Variants in SRP54 observed in about 807,000 individuals in gnomAD.
SRP54 encodes the protein signal recognition particle subunit SRP54.
A neutral mutation model predicts 64.8 loss-of-function variants in SRP54; 10 were observed. That is an observed-to-expected ratio of 0.15 (90% CI 0.10 to 0.26). The LOEUF is 0.26. SRP54 is among the 10% of genes least tolerant of loss of function. The pLI is 1.00. For missense variants in SRP54, 325 were observed against 613.7 expected (o/e 0.53, Z 4.97); for synonymous variants, 193 against 185.6 (o/e 1.04, Z -0.32).
At chr14:35,020,629 A>G (rs1036119177) in intron 13 of SRP54, among the ~76,000 whole-genome samples, 1 of 152,172 alleles carries the variant, frequency 6.6e-6, no homozygotes, top group African/African-American at 2.4e-5. Context: ...AGGTTTTCAT[A>G]GTAGCCCAAA....
At chr14:34,990,367 G>C (rs1055550415) in intron 1 of SRP54, among the ~76,000 whole-genome samples, 3 of 152,098 alleles carry the variant, frequency 2.0e-5, no homozygotes, top group Non-Finnish European at 4.4e-5. Context: ...ATAATTTAAA[G>C]CTTCATTCAT....
intron 2 of SRP54, 150 bp downstream of exon 2, chr14:34,996,937 G>T: frequency 4.6e-6 from 2 of 438,714 alleles, no homozygotes; most frequent in Non-Finnish European, 4.0e-6. Flanking sequence ...AGTAAGTAGT[G>T]TTTTATTGAG....
Position 35,014,410 on chromosome 14 carries a change from T to C in SRP54, c.887-334T>C, listed in dbSNP as rs1360028480. 3.3e-5 allele frequency among the ~76,000 whole-genome samples: 5 copies of C among 152,086 alleles called. 1 individual carries two copies. In the South Asian group the frequency reaches 6.2e-4, roughly 19 times the overall value. On this transcript the variant is annotated intron_variant, in intron 10 of 15. Transcript: ENST00000216774. ...TTCCTGCCTTAGCCTCCCAGGTAGC[T>C]GGGATTACAGGCGTGCACCACCAGG...
chr14:35,013,580 A>G, intron 9 of SRP54, 86 bp downstream of exon 9: 2 of 1,425,410 alleles, frequency 1.4e-6, no homozygotes, highest in African/African-American at 1.4e-5. Context: ...GATCATTTAA[A>G]ATATGTTTCA....
intron 14 of SRP54, among the ~76,000 whole-genome samples, chr14:35,027,146 T>C (rs1228567601): frequency 6.6e-6 from 1 of 151,546 alleles, no homozygotes; most frequent in Non-Finnish European, 1.5e-5. Flanking sequence ...TCTGCCTCAG[T>C]CTCCTGAGTA....
rs778910697 is a variant in SRP54, at chr14:35,013,341, TC to T, written c.637-4del. On this transcript the variant is annotated splice_polypyrimidine_tract_variant and splice_region_variant and intron_variant, in intron 8 of 15. Transcript: ENST00000216774. Reference sequence around the variant, plus strand: ...TAAAGTATCTTTTCTATTTAAACTTTCTAGCAACCTGATAACATTGTTTATG... The same window carrying T: ...TAAAGTATCTTTTCTATTTAAACTTTTAGCAACCTGATAACATTGTTTATG... 6.2e-7 allele frequency: 1 copy of T among 1,611,492 alleles called. No homozygotes were observed. The highest frequency in any genetic ancestry group is 8.5e-7 in the Non-Finnish European group (1 of 1,179,254).
chr14:34,998,761 C>T (rs4982235), intron 2 of SRP54, among the ~76,000 whole-genome samples: 25,705 of 150,322 alleles, frequency 0.17, 2,354 homozygotes, highest in East Asian at 0.31. Flanking sequence ...TGCAGTGAGC[C>T]GAGATCACGC....
At chr14:34,987,575 C>T (rs554623585) in intron 1 of SRP54, among the ~76,000 whole-genome samples, 5 of 151,874 alleles carry the variant, frequency 3.3e-5, no homozygotes, top group African/African-American at 9.7e-5. Flanking sequence ...ACTTATGTTT[C>T]GAAGATTAAT....
intron 1 of SRP54, among the ~76,000 whole-genome samples, chr14:34,995,650 AGAGCTG>A (rs2044061632): frequency 6.6e-6 from 1 of 152,162 alleles, no homozygotes; most frequent in Non-Finnish European, 1.5e-5. Flanking sequence ...GTAAGATTTT[AGAGCTG>A]GAAAGGGTTT....
At chr14:34,992,961 G>A (rs1471674693) in intron 1 of SRP54, among the ~76,000 whole-genome samples, 1 of 152,016 alleles carries the variant, frequency 6.6e-6, no homozygotes, top group East Asian at 1.9e-4. Context: ...CTGGGTTCAA[G>A]TGATTCTCCT....
chr14:35,029,084 A>G lies in SRP54; in HGVS notation c.1447A>G (p.Met483Val). 1.2e-6 allele frequency: 2 copies of G among 1,614,010 alleles called. No homozygotes were observed. The highest frequency in any genetic ancestry group is 8.5e-7 in the Non-Finnish European group (1 of 1,179,966). Reference sequence around the variant, plus strand: ...AGGTGGTATGGCAGGACTTCAGTCAATGATGAGGCAGTTTCAACAGGGTGC... The same window carrying G: ...AGGTGGTATGGCAGGACTTCAGTCAGTGATGAGGCAGTTTCAACAGGGTGC... ...HMGGMAGLQS[M>V]MRQFQQGAAG... The change falls in exon 16 of 16, where the codon ATG (methionine) becomes GTG (valine). Residue 483 changes from methionine to valine, a missense_variant. Around this residue, in one of 3 missense-constraint regions of SRP54, gnomAD observed 146 missense variants for 337.4 expected, o/e 0.43. Coordinates refer to ENST00000216774, the MANE Select transcript of SRP54 (RefSeq NM_003136.4).
Position 34,983,176 on chromosome 14 carries a change from C to G in SRP54, c.-73C>G, listed in dbSNP as rs2043832901. On this transcript the variant is annotated 5_prime_UTR_variant, in exon 1 of 16. Coordinates refer to ENST00000216774, the MANE Select transcript of SRP54 (RefSeq NM_003136.4). ...GGCGTGGGGCCTCGCTAAGGAATTC[C>G]CGGCCCCTCAGGGCCACGGCTTTAG... is the stretch of plus-strand genomic sequence containing the variant. The G allele has an allele frequency of 6.6e-6, 1 of 152,368 alleles. No individual in the cohort carries two copies. Among genetic ancestry groups the G allele is most frequent in the South Asian group, 2.1e-4 (1 of 4,830 alleles). 9.4% of individuals were successfully genotyped at this position (152,368 alleles called of 1,614,324 possible).
chr14:35,013,602 A>G, intron 9 of SRP54, 108 bp downstream of exon 9: 1 of 1,305,364 alleles, frequency 7.7e-7, no homozygotes, highest in Non-Finnish European at 1.1e-6. Context: ...TAGTGAGCCT[A>G]ATATGGTTTA....
At chr14:35,002,286 C>G (rs1003703958) in intron 4 of SRP54, among the ~76,000 whole-genome samples, 2 of 151,690 alleles carry the variant, frequency 1.3e-5, no homozygotes, top group African/African-American at 2.4e-5. Flanking sequence ...CCCAGGAGTT[C>G]GGGGGTGCAG....
In SRP54 at chr14:35,013,423, T is replaced by C. The variant is rs1299865835; in HGVS notation, c.714T>C (p.Asp238=). ...ACEAQAKAFK[D]KVDVASVIVT... is the part of the protein sequence containing the mutation. ...AAGCCCAGGCTAAGGCTTTTAAAGA[T>C]AAAGTAGATGTAGCCTCAGTAATAG... The change falls in exon 9 of 16, where the codon GAT becomes GAC. Residue 238 remains aspartate, a synonymous_variant. Transcript: ENST00000216774. 1 of 1,614,104 alleles carries C rather than the reference T, an allele frequency of 6.2e-7. No homozygotes were observed. The highest frequency in any genetic ancestry group is 1.3e-5 in the African/African-American group (1 of 74,950).
Position 34,999,622 on chromosome 14 carries a change from T to C in SRP54, c.143T>C (p.Leu48Pro). 1 of 1,613,032 alleles carries C rather than the reference T, an allele frequency of 6.2e-7. No homozygotes were observed. Among genetic ancestry groups the C allele is most frequent in the Non-Finnish European group, 8.5e-7 (1 of 1,179,190 alleles). The stretch of plus-strand genomic sequence containing the variant: ...TTGGAAGCAGATGTTAATATTAAAC[T>C]AGTGAAGCAACTAAGAGAAAATGTT... The part of the protein sequence containing the change: ...ALLEADVNIK[L>P]VKQLRENVKS... The change falls in exon 3 of 16, where the codon CTA becomes CCA. Residue 48 changes from leucine to proline, a missense_variant. Leu to Pro is a moderately conservative substitution (Grantham distance 98). Around this residue, in one of 3 missense-constraint regions of SRP54, gnomAD observed 156 missense variants for 254.6 expected, o/e 0.61. Transcript: ENST00000216774.
intron 7 of SRP54, among the ~76,000 whole-genome samples, chr14:35,010,346 T>A (rs113293829): frequency 0.17 from 25,868 of 151,880 alleles, 2,342 homozygotes; most frequent in East Asian, 0.3. Context: ...CTCAGGAGGC[T>A]GAGGCAAGAG....
chr14:34,988,874 TGC>T (rs1256248664), intron 1 of SRP54, among the ~76,000 whole-genome samples: 2 of 151,966 alleles, frequency 1.3e-5, no homozygotes, highest in Non-Finnish European at 2.9e-5. Flanking sequence ...GTGTAGTATT[TGC>T]ATATGACCTA....
At chr14:35,028,022 T>C in intron 14 of SRP54, 66 bp from the exon 15 acceptor site, 1 of 1,001,860 alleles carries the variant, frequency 1.0e-6, no homozygotes. Flanking sequence ...CTTTCTATTA[T>C]ACCCTGATTA....
Sources: allele counts gnomAD v4.1 joint callset (sites outside exome capture counted in the v4.1 genomes callset), GRCh38; gene constraint gnomAD v4.1.1; regional missense constraint gnomAD v4.1.1; transcripts MANE v1.5; gene names NCBI Gene and HGNC (gene_info 2026-07-23, HGNC 2026-07-21).